The following WWOX variants were observed in gnomAD, a reference collection of about 807,000 sequenced individuals.
WWOX encodes the protein WW domain-containing oxidoreductase.
Under a neutral mutation model 46.2 loss-of-function variants are expected in WWOX, and 69 were observed. That is an observed-to-expected ratio of 1.49 (90% confidence interval 1.23 to 1.82). The LOEUF (loss-of-function observed/expected upper bound fraction) is 1.82. Among genes scored for constraint, WWOX ranks in the 40% most tolerant of loss-of-function variants. The pLI is 0.00. For missense variants in WWOX, 919 were observed against 542.6 expected (o/e 1.69, Z -6.89); for synonymous variants, 359 against 202.6 (o/e 1.77, Z -6.56).
Position 78,850,497 on chromosome 16 carries a change from C to T in WWOX, c.1057-361111C>T, listed in dbSNP as rs77795817. Among the ~76,000 whole-genome samples the T allele has an allele frequency of 1.7e-4, 26 of 152,182 alleles. No individual in the cohort carries two copies. The East Asian group carries it at 2.9e-3, about 17-fold the overall frequency. ...CTCTTCAATAACTGGGAATTTATAC[C>T]GTTTATAGTTTTTTTACTGCTAAGA... On this transcript the variant is annotated intron_variant, in intron 8 of 8. Coordinates refer to ENST00000566780, the MANE Select transcript of WWOX (RefSeq NM_016373.4).
chr16:79,046,712 C>A (rs891909842), intron 8 of WWOX, among the ~76,000 whole-genome samples: 1 of 152,176 alleles, frequency 6.6e-6, no homozygotes, highest in Non-Finnish European at 1.5e-5. Context: ...TAGATTCTTC[C>A]TGCAGCCATT....
At chr16:78,731,121 A>T (rs896159116) in intron 8 of WWOX, among the ~76,000 whole-genome samples, 5 of 152,076 alleles carry the variant, frequency 3.3e-5, no homozygotes, top group Admixed American at 1.3e-4. Flanking sequence ...TTTTTGAGTG[A>T]ATCTGGTTTA....
intron 8 of WWOX, among the ~76,000 whole-genome samples, chr16:79,119,669 G>C (rs985676904): frequency 6.6e-6 from 1 of 152,212 alleles, no homozygotes; most frequent in African/African-American, 2.4e-5. Flanking sequence ...GAACGGGACT[G>C]TCCAGCCGGG....
intron 8 of WWOX, among the ~76,000 whole-genome samples, chr16:78,972,493 C>G (rs1033326459): frequency 6.6e-6 from 1 of 150,656 alleles, no homozygotes; most frequent in Admixed American, 6.6e-5. Context: ...AATAAAAGAA[C>G]CTGAAGCCGC....
chr16:79,210,002 G>A (rs1433460824), intron 8 of WWOX, among the ~76,000 whole-genome samples: 2 of 152,210 alleles, frequency 1.3e-5, no homozygotes, highest in South Asian at 2.1e-4. Context: ...GAGGGAGATT[G>A]GGGAGGTAAC....
intron 5 of WWOX, among the ~76,000 whole-genome samples, chr16:78,307,793 G>T (rs536507848): frequency 6.6e-6 from 1 of 152,278 alleles, no homozygotes; most frequent in Admixed American, 6.5e-5. Flanking sequence ...AGGTTTTGCA[G>T]ATTGCTGCCC....
rs182274681 is a variant in WWOX, at chr16:78,881,089, G to A, written c.1057-330519G>A. Reference sequence around the variant, plus strand: ...TCACTGCAACCTTTGCCTCCTGGGCGCAAGTGATCCTCCTACCTCAGCCTC... The same window carrying A: ...TCACTGCAACCTTTGCCTCCTGGGCACAAGTGATCCTCCTACCTCAGCCTC... On this transcript the variant is annotated intron_variant, in intron 8 of 8. Transcript: ENST00000566780. Among the ~76,000 whole-genome samples, 18 of 150,204 alleles carry A rather than the reference G, an allele frequency of 1.2e-4. 1 individual carries two copies. Among genetic ancestry groups the A allele is most frequent in the Admixed American group, 8.0e-4 (12 of 14,950 alleles).
At chr16:78,790,345 G>C (rs981126032) in intron 8 of WWOX, among the ~76,000 whole-genome samples, 1 of 151,990 alleles carries the variant, frequency 6.6e-6, no homozygotes, top group Admixed American at 6.6e-5. Context: ...ATGTTGGCCA[G>C]GCTGCTCTCA....
rs117506433 is a variant in WWOX at position 78,722,427 on chromosome 16, A to T, written c.1056+289675A>T. On this transcript the variant is annotated intron_variant, in intron 8 of 8. Coordinates refer to ENST00000566780, the MANE Select transcript of WWOX (RefSeq NM_016373.4). ...AAAATAGCTGAAAAGTGACCGTATG[A>T]AATGAGCAGCAGTTGTCAAGTACTT... Among the ~76,000 whole-genome samples the T allele has an allele frequency of 1.4e-3, 215 of 152,300 alleles. 3 individuals are homozygous for T. The highest frequency in any genetic ancestry group is 0.012 in the East Asian group (63 of 5,178).
chr16:78,942,258 A>T (rs1410795103), intron 8 of WWOX, among the ~76,000 whole-genome samples: 1 of 152,134 alleles, frequency 6.6e-6, no homozygotes, highest in Non-Finnish European at 1.5e-5. Context: ...AAATAATTCT[A>T]GTTGTTCCTC....
chr16:78,716,904 C>G (rs1351174393), intron 8 of WWOX, among the ~76,000 whole-genome samples: 2 of 152,164 alleles, frequency 1.3e-5, no homozygotes, highest in Non-Finnish European at 2.9e-5. Context: ...TGTTTATTAT[C>G]TTATTTTCAG....
At chr16:78,590,406 G>A (rs1474339354) in intron 8 of WWOX, among the ~76,000 whole-genome samples, 1 of 152,176 alleles carries the variant, frequency 6.6e-6, no homozygotes, top group Non-Finnish European at 1.5e-5. Context: ...TGGTGGCAAT[G>A]GTCAAGAAGG....
intron 5 of WWOX, among the ~76,000 whole-genome samples, chr16:78,205,812 C>T (rs947462283): frequency 9.2e-5 from 14 of 152,114 alleles, no homozygotes; most frequent in East Asian, 3.9e-4. Flanking sequence ...TCCTTCTACC[C>T]ACACCTTCCT....
At chr16:78,944,881 A>G (rs2045920002) in intron 8 of WWOX, among the ~76,000 whole-genome samples, 1 of 152,082 alleles carries the variant, frequency 6.6e-6, no homozygotes, top group African/African-American at 2.4e-5. Flanking sequence ...ATTCTAATTG[A>G]AAAACTTTTC....
chr16:78,945,537 C>A (rs1351545164), intron 8 of WWOX, among the ~76,000 whole-genome samples: 3 of 152,146 alleles, frequency 2.0e-5, no homozygotes, highest in Non-Finnish European at 4.4e-5. Context: ...ATATACCCGG[C>A]CACTTCTGCC....
chr16:78,722,669 A>G (rs2048721961), intron 8 of WWOX, among the ~76,000 whole-genome samples: 1 of 149,836 alleles, frequency 6.7e-6, no homozygotes, highest in Non-Finnish European at 1.5e-5. Flanking sequence ...TAACTGGAGC[A>G]TGATTTAAAG....
chr16:79,000,189 C>T (rs538276977), intron 8 of WWOX, among the ~76,000 whole-genome samples: 2 of 152,268 alleles, frequency 1.3e-5, no homozygotes, highest in African/African-American at 4.8e-5. Flanking sequence ...TCCGAAGCTG[C>T]GTTCACACGG....
At chr16:78,673,427 T>C (rs754952323) in intron 8 of WWOX, among the ~76,000 whole-genome samples, 8 of 152,130 alleles carry the variant, frequency 5.3e-5, no homozygotes, top group Non-Finnish European at 8.8e-5. Context: ...TTTTGAACAC[T>C]GTTGATCATC....
intron 5 of WWOX, among the ~76,000 whole-genome samples, chr16:78,377,017 T>G (rs1002031274): frequency 6.6e-6 from 1 of 152,246 alleles, no homozygotes; most frequent in Admixed American, 6.5e-5. Context: ...TCTCTGTGTT[T>G]GGAGCTACAC....
Sources: allele counts gnomAD v4.1 joint callset (sites outside exome capture counted in the v4.1 genomes callset), GRCh38; gene constraint gnomAD v4.1.1; transcripts MANE v1.5; gene names NCBI Gene and HGNC (gene_info 2026-07-23, HGNC 2026-07-21).